Variants in AHI1 observed in about 807,000 individuals in gnomAD.
AHI1 encodes the protein jouberin.
In AHI1, 123 loss-of-function variants were observed where a neutral mutation model predicts 149.3. That is an observed-to-expected ratio of 0.82 (90% CI 0.71 to 0.96). The LOEUF is 0.96. Ranked by LOEUF, AHI1 falls within the 40% of genes least tolerant of loss-of-function variation. The pLI is 0.00. For missense variants in AHI1, 1,439 were observed against 1,422.7 expected (o/e 1.01, Z -0.18); for synonymous variants, 475 against 459.8 (o/e 1.03, Z -0.42).
chr6:135,451,605 G>T (rs1160935938), intron 11 of AHI1, among the ~76,000 whole-genome samples: 2 of 152,038 alleles, frequency 1.3e-5, no homozygotes, highest in African/African-American at 2.4e-5. Flanking sequence ...CTCTTTCTGG[G>T]GGGTGGGGAT....
chr6:135,442,457 T>C, intron 14 of AHI1, 125 bp downstream of exon 14: 4 of 1,034,898 alleles, frequency 3.9e-6, no homozygotes, highest in Middle Eastern at 2.9e-4. Flanking sequence ...TTTGAAGAAA[T>C]CCGTTTTCTT....
chr6:135,346,539 G>C (rs1791255890), intron 24 of AHI1, among the ~76,000 whole-genome samples: 1 of 151,966 alleles, frequency 6.6e-6, no homozygotes, highest in African/African-American at 2.4e-5. Flanking sequence ...TTACCAAGTG[G>C]TAACAGTCTA....
chr6:135,344,384 A>C (rs1790843926), intron 24 of AHI1, among the ~76,000 whole-genome samples: 1 of 150,952 alleles, frequency 6.6e-6, no homozygotes, highest in Non-Finnish European at 1.5e-5. Flanking sequence ...ATTTACATTA[A>C]AAATTTATAT....
chr6:135,490,406 T>C, intron 5 of AHI1: 1 of 648,450 alleles, frequency 1.5e-6, no homozygotes, highest in Admixed American at 2.6e-5. Context: ...ACTGTGTGTG[T>C]GTTCTTCCTG....
intron 14 of AHI1, among the ~76,000 whole-genome samples, chr6:135,441,905 C>T (rs1786357901): frequency 1.3e-5 from 2 of 151,930 alleles, no homozygotes; most frequent in Admixed American, 6.6e-5. Context: ...AGGGAATCAA[C>T]CAATTAATAG....
intron 22 of AHI1, 96 bp from the exon 23 acceptor site, chr6:135,394,992 G>T: frequency 7.8e-7 from 1 of 1,288,426 alleles, no homozygotes; most frequent in Non-Finnish European, 1.1e-6. Flanking sequence ...TACAAACCAG[G>T]ACACATGATA....
intron 13 of AHI1, among the ~76,000 whole-genome samples, chr6:135,444,099 T>G (rs768058496): frequency 1.3e-5 from 2 of 152,212 alleles, no homozygotes; most frequent in Admixed American, 6.5e-5. Flanking sequence ...CTCAAAAGCC[T>G]TGACTGTTTC....
intron 24 of AHI1, among the ~76,000 whole-genome samples, chr6:135,326,807 G>A (rs1396858092): frequency 6.6e-6 from 1 of 152,106 alleles, no homozygotes; most frequent in Admixed American, 6.5e-5. Context: ...TGATCCGCCT[G>A]CCTTGGCCTC....
intron 4 of AHI1, among the ~76,000 whole-genome samples, chr6:135,491,835 A>AT (rs1795293410): frequency 6.6e-6 from 1 of 152,374 alleles, no homozygotes; most frequent in African/African-American, 2.4e-5. Flanking sequence ...CATGCTTTAA[A>AT]AGAGACAGAG....
intron 23 of AHI1, chr6:135,388,097 C>T (rs1348177373): frequency 6.4e-7 from 1 of 1,550,606 alleles, no homozygotes; most frequent in Non-Finnish European, 8.8e-7. Flanking sequence ...CTTTTTAGTA[C>T]CATAAAAGAC....
intron 26 of AHI1, among the ~76,000 whole-genome samples, chr6:135,316,938 C>A (rs1005121225): frequency 1.3e-5 from 2 of 152,138 alleles, no homozygotes; most frequent in African/African-American, 4.8e-5. Flanking sequence ...TTTTCCCTGT[C>A]TTCCCAAATC....
At chr6:135,423,011 C>T (rs905675456) in intron 20 of AHI1, among the ~76,000 whole-genome samples, 6 of 152,092 alleles carry the variant, frequency 3.9e-5, no homozygotes, top group African/African-American at 1.4e-4. Flanking sequence ...ACTCTGGAGT[C>T]AGCTTAGACA....
intron 23 of AHI1, 55 bp from the exon 24 acceptor site, chr6:135,358,242 T>C: frequency 9.8e-6 from 14 of 1,432,820 alleles, no homozygotes; most frequent in Non-Finnish European, 1.4e-5. Flanking sequence ...CATTTTATGT[T>C]GAAAATATTC....
chr6:135,415,497 A>C (rs1262703708), intron 20 of AHI1, among the ~76,000 whole-genome samples: 1 of 152,142 alleles, frequency 6.6e-6, no homozygotes, highest in Admixed American at 6.6e-5. Flanking sequence ...CTTTTTAATG[A>C]TTGCCAAGAT....
In AHI1 at chr6:135,344,927, C is replaced by CACAT. The variant is rs1790961867; in HGVS notation, c.3165+13204_3165+13205insATGT. 2.1e-4 allele frequency among the ~76,000 whole-genome samples: 4 copies of CACAT among 18,670 alleles called. No individual in the cohort carries two copies. In the Admixed American group the frequency reaches 2.7e-3, roughly 13 times the overall value. The allele number at this position is 18,670 out of a possible 152,430, so 12.2% of individuals were successfully genotyped here. On this transcript the variant is annotated intron_variant, in intron 24 of 28. Coordinates refer to ENST00000265602, the MANE Select transcript of AHI1 (RefSeq NM_001134831.2). ...CAGTTTATTGAAATAAGCTCTGATT[C>CACAT]ACACACACACACACACACACACACA...
intron 14 of AHI1, among the ~76,000 whole-genome samples, chr6:135,440,553 G>A (rs892064840): frequency 2.6e-5 from 4 of 152,138 alleles, no homozygotes; most frequent in East Asian, 3.8e-4. Flanking sequence ...TCGGGCTGAC[G>A]TGAGGAGGCT....
rs1032930574 is a variant in AHI1, at chr6:135,466,010, C to A, written c.553G>T (p.Asp185Tyr). 29 of 1,613,848 alleles carry A rather than the reference C, an allele frequency of 1.8e-5. No individual in the cohort carries two copies. Among genetic ancestry groups the A allele is most frequent in the Non-Finnish European group, 2.5e-5 (29 of 1,179,886 alleles). The change falls in exon 7 of 29, where the codon GAT becomes TAT. Residue 185 changes from aspartate to tyrosine, a missense_variant. Transcript: ENST00000265602. ...EGREETDLEE[D>Y]EELMQAYQCH... is the part of the protein sequence containing the mutation. ...TGATATGCTTGCATCAATTCTTCAT[C>A]CTCTTCTAAATCAGTCTCTTCTCTT...
intron 5 of AHI1, among the ~76,000 whole-genome samples, chr6:135,475,137 T>C (rs1792392347): frequency 1.3e-5 from 2 of 152,222 alleles, no homozygotes; most frequent in South Asian, 2.1e-4. Flanking sequence ...CTTCAGTAGT[T>C]TGTGCCCTTC....
chr6:135,338,056 C>T (rs2746420), intron 24 of AHI1, among the ~76,000 whole-genome samples: 6 of 151,776 alleles, frequency 4.0e-5, no homozygotes, highest in Admixed American at 6.6e-5. Context: ...CCAGCACTTT[C>T]GGAGGCCGAG....
Sources: allele counts gnomAD v4.1 joint callset (sites outside exome capture counted in the v4.1 genomes callset), GRCh38; gene constraint gnomAD v4.1.1; transcripts MANE v1.5; gene names NCBI Gene and HGNC (gene_info 2026-07-23, HGNC 2026-07-21).